Variants in CSTB observed in about 807,000 individuals in gnomAD.
The protein encoded by CSTB is cystatin-B.
Under a neutral mutation model 7.6 loss-of-function variants are expected in CSTB, and 8 were observed. The observed-to-expected ratio is 1.05, with a 90% confidence interval of 0.62 to 1.89. The LOEUF is 1.89. Ranked by LOEUF, CSTB falls within the 40% of genes most tolerant of loss-of-function variation. The pLI is 0.00. For missense variants in CSTB, 124 were observed against 126.4 expected (o/e 0.98, Z 0.09); for synonymous variants, 56 against 55.3 (o/e 1.01, Z -0.06).
chr21:43,774,395 CA>C, intron 2 of CSTB, 65 bp from the exon 3 acceptor site: 1 of 1,610,712 alleles, frequency 6.2e-7, no homozygotes, highest in Non-Finnish European at 8.5e-7. Flanking sequence ...CCCTCCAGGT[CA>C]TTAGCAGCCA....
At chr21:43,774,353 G>A (rs374318864) in intron 2 of CSTB, 23 bp from the exon 3 acceptor site, 12 of 1,613,916 alleles carry the variant, frequency 7.4e-6, no homozygotes, top group African/African-American at 5.3e-5. Context: ...CGGAGTGAGC[G>A]AAGCCTCTGA....
intron 2 of CSTB, 140 bp downstream of exon 2, chr21:43,774,518 T>C (rs908466146): frequency 9.1e-5 from 103 of 1,129,792 alleles, no homozygotes; most frequent in Non-Finnish European, 1.3e-4. Context: ...GAAAGGCCGA[T>C]GGACACACAC....
chr21:43,776,228 G>T lies in CSTB; in HGVS notation c.42C>A (p.Ala14=). 2 of 1,531,604 alleles carry T rather than the reference G, an allele frequency of 1.3e-6. No homozygotes were observed. The allele number at this position is 1,531,604 out of a possible 1,614,324, so 94.9% of individuals were successfully genotyped here. Residue 14 remains alanine, a synonymous_variant, in exon 1 of 3, where the codon GCC becomes GCA. Coordinates refer to ENST00000291568, the MANE Select transcript of CSTB (RefSeq NM_000100.4). ...GAPSATQPAT[A]ETQHIADQVR... ...CCTGGTCGGCGATGTGCTGGGTCTCGGCGGTGGCCGGCTGCGTGGCGGAGG... is the reference window on the plus strand; with the variant it reads ...CCTGGTCGGCGATGTGCTGGGTCTCTGCGGTGGCCGGCTGCGTGGCGGAGG...
chr21:43,775,304 A>G (rs985424861), intron 1 of CSTB: 2 of 201,372 alleles, frequency 9.9e-6, no homozygotes, highest in African/African-American at 4.7e-5. Flanking sequence ...CAACCATGAC[A>G]GCGAGGCGGG....
At chr21:43,776,057 C>A in intron 1 of CSTB, 147 bp downstream of exon 1, 1 of 646,488 alleles carries the variant, frequency 1.5e-6, no homozygotes, top group Non-Finnish European at 2.4e-6. Context: ...AGCGCCCGAG[C>A]GGAGGGAGGC....
Position 43,774,021 on chromosome 21 carries a change from G to A in CSTB, c.*181C>T. ...TTAAGATCACCTATTGGGAAGGAAA[G>A]AAATCAACACAATGAAATTTAGGAA... is the stretch of plus-strand genomic sequence containing the variant. On this transcript the variant is annotated 3_prime_UTR_variant, in exon 3 of 3. Transcript: ENST00000291568. 2.9e-6 allele frequency: 2 copies of A among 700,210 alleles called. No individual in the cohort carries two copies. The highest frequency in any genetic ancestry group is 5.0e-6 in the Non-Finnish European group (2 of 400,238). The allele number at this position is 700,210 out of a possible 1,614,324, so 43.4% of individuals were successfully genotyped here. A position where few individuals can be genotyped will look rare whatever the true frequency, so the allele number is the denominator to read the frequency against.
At chr21:43,774,890 G>A in intron 1 of CSTB, 131 bp from the exon 2 acceptor site, 1 of 746,816 alleles carries the variant, frequency 1.3e-6, no homozygotes, top group Non-Finnish European at 2.4e-6. Context: ...TCTTACAACT[G>A]AAGGGACATT....
intron 2 of CSTB, 29 bp from the exon 3 acceptor site, chr21:43,774,359 T>A (rs771631330): frequency 6.2e-7 from 1 of 1,614,016 alleles, no homozygotes; most frequent in Non-Finnish European, 8.5e-7. Context: ...GAGCGAAGCC[T>A]CTGATCCCAA....
chr21:43,774,059 A>G lies in CSTB; in HGVS notation c.*143T>C. 1.0e-6 allele frequency: 1 copy of G among 952,920 alleles called. No individual in the cohort carries two copies. 59.0% of individuals were successfully genotyped at this position (952,920 alleles called of 1,614,324 possible). On this transcript the variant is annotated 3_prime_UTR_variant, in exon 3 of 3. Transcript: ENST00000291568. ...TGAAATTTAGGAAGAGAAATGCAAAAGCAGCTGCAGAATCCTGCCCCTTCC... is the reference window on the plus strand; with the variant it reads ...TGAAATTTAGGAAGAGAAATGCAAAGGCAGCTGCAGAATCCTGCCCCTTCC...
At chr21:43,776,179 G>C (rs2084009144) in intron 1 of CSTB, 25 bp downstream of exon 1, 1 of 1,524,886 alleles carries the variant, frequency 6.6e-7, no homozygotes, top group African/African-American at 1.4e-5. Flanking sequence ...ACTCCGGGCC[G>C]GCCCCGTCCC....
chr21:43,776,132 T>G, intron 1 of CSTB, 72 bp downstream of exon 1: 1 of 1,403,928 alleles, frequency 7.1e-7, no homozygotes, highest in Non-Finnish European at 9.6e-7. Flanking sequence ...CTTCTTTCGC[T>G]CCAGGAGCCG....
chr21:43,774,365 C>A, intron 2 of CSTB, 35 bp from the exon 3 acceptor site: 1 of 1,613,906 alleles, frequency 6.2e-7, no homozygotes. Context: ...AGCCTCTGAT[C>A]CCAAGTCACC....
chr21:43,774,995 G>C, intron 1 of CSTB: 1 of 561,226 alleles, frequency 1.8e-6, no homozygotes, highest in East Asian at 3.2e-5. Flanking sequence ...AGGCTGAGGT[G>C]GGCGGATCAC....
chr21:43,774,670 GT>G lies in CSTB; in HGVS notation c.155del (p.Asn52ThrfsTer29). 1 of 1,613,874 alleles carries G rather than the reference GT, an allele frequency of 6.2e-7. No homozygotes were observed. Among genetic ancestry groups the G allele is most frequent in the South Asian group, 1.1e-5 (1 of 91,076 alleles). On this transcript the variant is annotated frameshift_variant, in exon 2 of 3. Coordinates refer to ENST00000291568, the MANE Select transcript of CSTB (RefSeq NM_000100.4). LOFTEE classifies it low-confidence loss of function (END_TRUNC). ...GCCCACACTCTACCTTGATGAAGTAGTTTGTCCCCGCGACCACCTGGCTCTT... is the reference window on the plus strand; with the variant it reads ...GCCCACACTCTACCTTGATGAAGTAGTTGTCCCCGCGACCACCTGGCTCTT... ...SFKSQVVAGT[N>X]YFIKVHVGDE...
At position 43,774,668 on chromosome 21, in the gene CSTB, T is replaced by C. The variant is rs762082236; in HGVS notation, c.158A>G (p.Tyr53Cys). The C allele has an allele frequency of 8.7e-6, 14 of 1,613,484 alleles. No homozygotes were observed. Among genetic ancestry groups the C allele is most frequent in the Admixed American group, 8.3e-5 (5 of 59,994 alleles). The change falls in exon 2 of 3, where the codon TAC becomes TGC. Residue 53 changes from tyrosine to cysteine, a missense_variant. Physicochemically the swap from Tyr to Cys is radical, Grantham distance 194. Coordinates refer to ENST00000291568, the MANE Select transcript of CSTB (RefSeq NM_000100.4). Reference protein sequence around the residue: ...FKSQVVAGTNYFIKVHVGDED... With the variant: ...FKSQVVAGTNCFIKVHVGDED... ...AGGCCCACACTCTACCTTGATGAAGTAGTTTGTCCCCGCGACCACCTGGCT... is the reference window on the plus strand; with the variant it reads ...AGGCCCACACTCTACCTTGATGAAGCAGTTTGTCCCCGCGACCACCTGGCT...
chr21:43,774,349 G>C lies in CSTB; in HGVS notation c.169-19C>G, dbSNP rs781514806. On this transcript the variant is annotated intron_variant, in intron 2 of 2. Transcript: ENST00000291568. ...CGTGCACCTGGGAAGAGAGCGGAGT[G>C]AGCGAAGCCTCTGATCCCAAGTCAC... 6.2e-7 allele frequency: 1 copy of C among 1,614,056 alleles called. No individual in the cohort carries two copies. The highest frequency in any genetic ancestry group is 1.1e-5 in the South Asian group (1 of 91,070).
chr21:43,775,624 C>T (rs995142865), intron 1 of CSTB: 2 of 152,336 alleles, frequency 1.3e-5, no homozygotes, highest in Admixed American at 1.3e-4. Flanking sequence ...GGACCTCTTG[C>T]ACTCTCTCTC....
At position 43,774,769 on chromosome 21, in the gene CSTB, A is replaced by G; in HGVS notation, c.67-10T>C. On this transcript the variant is annotated splice_polypyrimidine_tract_variant and intron_variant, in intron 1 of 2. Transcript: ENST00000291568. Reference sequence around the variant, plus strand: ...CAAGCTGGGACCTCACCTAGACAGAAGGGACAGAATGAGGATGTCTCAGTG... The same window carrying G: ...CAAGCTGGGACCTCACCTAGACAGAGGGGACAGAATGAGGATGTCTCAGTG... The G allele has an allele frequency of 1.2e-6, 2 of 1,607,434 alleles. No homozygotes were observed. The highest frequency in any genetic ancestry group is 8.5e-7 in the Non-Finnish European group (1 of 1,173,926).
chr21:43,776,115 A>G lies in CSTB; in HGVS notation c.66+89T>C, dbSNP rs6369. 191,139 of 1,255,528 alleles carry G rather than the reference A, an allele frequency of 0.15. 19,785 individuals are homozygous for G. The highest frequency in any genetic ancestry group is 0.47 in the African/African-American group (30,149 of 63,518). 77.8% of individuals were successfully genotyped at this position (1,255,528 alleles called of 1,614,324 possible). A position where few individuals can be genotyped will look rare whatever the true frequency, so the allele number is the denominator to read the frequency against. On this transcript the variant is annotated intron_variant, in intron 1 of 2. Transcript: ENST00000291568. ...CAGCCCAGGGGTGCGCAGCGGGGCCAAAGCGGCTTCTTTCGCTCCAGGAGC... is the reference window on the plus strand; with the variant it reads ...CAGCCCAGGGGTGCGCAGCGGGGCCGAAGCGGCTTCTTTCGCTCCAGGAGC...
Sources: allele counts gnomAD v4.1 joint callset, GRCh38; gene constraint gnomAD v4.1.1; transcripts MANE v1.5; gene names NCBI Gene and HGNC (gene_info 2026-07-23, HGNC 2026-07-21).